The following PALB2 variants were observed in gnomAD, a reference collection of about 807,000 sequenced individuals.
PALB2 encodes the protein partner and localizer of BRCA2, also known as mutant partner and localizer of BRCA2.
A neutral mutation model predicts 107.4 loss-of-function variants in PALB2; 82 were observed. The observed-to-expected ratio is 0.76, with a 90% confidence interval of 0.64 to 0.92. The LOEUF is 0.92. Ranked by LOEUF, PALB2 falls within the 40% of genes least tolerant of loss-of-function variation. The pLI is 0.00. For synonymous variants in PALB2, 489 were observed against 496.8 expected (o/e 0.98, Z 0.21); for missense variants, 1,374 against 1,379.9 (o/e 1.00, Z 0.07).
rs1271731092 is a variant in PALB2 at position 23,640,996 on chromosome 16, G to C, written c.48+114C>G. On this transcript the variant is annotated intron_variant, in intron 1 of 12. Coordinates refer to ENST00000261584, the MANE Select transcript of PALB2 (RefSeq NM_024675.4). ...TGTGCCCCCTCAGCCCTAAGAGGAG[G>C]GGGTGGTCAGATGATACTGCTGCCC... The C allele has an allele frequency of 3.0e-5, 35 of 1,171,756 alleles. No homozygotes were observed. In the Admixed American group the frequency reaches 7.5e-4, roughly 25 times the overall value. 72.6% of individuals were successfully genotyped at this position (1,171,756 alleles called of 1,614,324 possible).
In PALB2 at chr16:23,607,867, C is replaced by T. The variant is rs1597066554; in HGVS notation, c.3347G>A (p.Gly1116Asp). ...MLYCLPPGQA[G>D]RFLEGDVKDH... ...AGTAGCAGTTATGCACACTTGCCTG[C>T]CAGCCTGCCCTGGAGGAAGACAGTA... Residue 1116 changes from glycine (G) to aspartate (D), a missense_variant, in exon 12 of 13, where the codon GGC becomes GAC. Coordinates refer to ENST00000261584, the MANE Select transcript of PALB2 (RefSeq NM_024675.4). 2 of 1,613,882 alleles carry T rather than the reference C, an allele frequency of 1.2e-6. No homozygotes were observed. The highest frequency in any genetic ancestry group is 1.7e-4 in the Middle Eastern group (1 of 5,932).
At chr16:23,629,481 C>A (rs1966854812) in intron 5 of PALB2, among the ~76,000 whole-genome samples, 159 bp downstream of exon 5, 1 of 152,150 alleles carries the variant, frequency 6.6e-6, no homozygotes, top group African/African-American at 2.4e-5. Context: ...CTTAATTTCC[C>A]CAGAATGAAC....
At chr16:23,634,795 G>A (rs2142408454) in intron 4 of PALB2, 67 bp downstream of exon 4, 2 of 1,548,120 alleles carry the variant, frequency 1.3e-6, no homozygotes, top group Non-Finnish European at 1.7e-6. Flanking sequence ...AAAAGGAAGT[G>A]CCAGGCAAAT....
At chr16:23,615,530 C>T (rs1164158476) in intron 10 of PALB2, among the ~76,000 whole-genome samples, 1 of 152,018 alleles carries the variant, frequency 6.6e-6, no homozygotes, top group Non-Finnish European at 1.5e-5. Context: ...GTCTTGAACT[C>T]CTGGGCTCAA....
chr16:23,630,791 A>G (rs1186392880), intron 4 of PALB2, among the ~76,000 whole-genome samples: 1 of 152,130 alleles, frequency 6.6e-6, no homozygotes, highest in Non-Finnish European at 1.5e-5. Flanking sequence ...ATTAATTAGC[A>G]GCTATTTTTC....
rs148026749 is a variant in PALB2 at position 23,629,825 on chromosome 16, C to T, written c.2329G>A (p.Asp777Asn). 2.2e-5 allele frequency: 35 copies of T among 1,614,078 alleles called. No individual in the cohort carries two copies. The highest frequency in any genetic ancestry group is 8.9e-5 in the East Asian group (4 of 44,886). ...VCLASDTKQF[D>N]SSGSPAKPHT... Reference sequence around the variant, plus strand: ...GGTTTTGCTGGGCTGCCTGAACTGTCGAATTGTTTAGTATCACTGGCAAGA... The same window carrying T: ...GGTTTTGCTGGGCTGCCTGAACTGTTGAATTGTTTAGTATCACTGGCAAGA... The change falls in exon 5 of 13, where the codon GAC becomes AAC. Residue 777 changes from aspartate to asparagine, a missense_variant. Physicochemically the swap from Asp to Asn is conservative, Grantham distance 23. Coordinates refer to ENST00000261584, the MANE Select transcript of PALB2 (RefSeq NM_024675.4).
chr16:23,609,165 AT>A (rs1472650224), intron 11 of PALB2, among the ~76,000 whole-genome samples: 1 of 152,202 alleles, frequency 6.6e-6, no homozygotes, highest in African/African-American at 2.4e-5. Context: ...ATATTTTTAT[AT>A]TTAGAAAACA....
At chr16:23,608,500 G>A (rs2142277077) in intron 11 of PALB2, among the ~76,000 whole-genome samples, 1 of 152,280 alleles carries the variant, frequency 6.6e-6, no homozygotes, top group Middle Eastern at 3.4e-3. Context: ...TTGGCAAAGA[G>A]AGAATGAGGA....
chr16:23,609,729 G>A (rs960934591), intron 11 of PALB2, among the ~76,000 whole-genome samples: 2 of 152,158 alleles, frequency 1.3e-5, no homozygotes, highest in Non-Finnish European at 2.9e-5. Flanking sequence ...TGTTAGCCAG[G>A]ATGGTCTCGA....
rs2093129453 is a variant in PALB2, at chr16:23,634,944, A to G, written c.1602T>C (p.Ser534=). 1 of 1,614,166 alleles carries G rather than the reference A, an allele frequency of 6.2e-7. No homozygotes were observed. Among genetic ancestry groups the G allele is most frequent in the Non-Finnish European group, 8.5e-7 (1 of 1,180,034 alleles). The change falls in exon 4 of 13, where the codon TCT becomes TCC. Residue 534 remains serine, a synonymous_variant. Coordinates refer to ENST00000261584, the MANE Select transcript of PALB2 (RefSeq NM_024675.4). ...SDHCEPLLPT[S]SLSIVNRSKE... ...TGGACCTGTTAACAATCGACAGGCT[A>G]GAAGTTGGCAAAAGTGGTTCACAAT...
intron 3 of PALB2, among the ~76,000 whole-genome samples, chr16:23,636,767 G>T (rs1281155785): frequency 2.0e-5 from 3 of 151,974 alleles, no homozygotes; most frequent in Non-Finnish European, 4.4e-5. Context: ...ATCTCAACTA[G>T]TTTTCTATCT....
chr16:23,610,672 G>A (rs1276237990), intron 11 of PALB2, among the ~76,000 whole-genome samples: 1 of 152,094 alleles, frequency 6.6e-6, no homozygotes, highest in Non-Finnish European at 1.5e-5. Flanking sequence ...ACATGTCTGT[G>A]TGAAATGTTT....
intron 11 of PALB2, among the ~76,000 whole-genome samples, chr16:23,609,470 A>T (rs1400946571): frequency 6.6e-6 from 1 of 152,172 alleles, no homozygotes; most frequent in Admixed American, 6.5e-5. Context: ...AATGCTATAC[A>T]GTTAAGAAGA....
chr16:23,616,605 C>G (rs1396983602), intron 10 of PALB2, among the ~76,000 whole-genome samples: 1 of 151,822 alleles, frequency 6.6e-6, no homozygotes, highest in East Asian at 1.9e-4. Flanking sequence ...GCCCTGGGAC[C>G]AGGATTCATA....
intron 1 of PALB2, chr16:23,640,215 G>GGGA (rs1967186705): frequency 5.6e-6 from 1 of 180,174 alleles, no homozygotes; most frequent in Non-Finnish European, 1.2e-5. Flanking sequence ...TCAATGTCTG[G>GGGA]GGATTATCTT....
At position 23,630,457 on chromosome 16, in the gene PALB2, C is replaced by G. The variant is rs144617793; in HGVS notation, c.1697G>C (p.Arg566Pro). ...AGAAAGGGAATCCTCTTTTTGATGA[C>G]GACTTTTCTTCCCTAAAGAAGAAAA... ...LFIQVKGKKS[R>P]HQKEDSLSWS... Residue 566 changes from arginine to proline, a missense_variant, in exon 5 of 13, where the codon CGT (arginine) becomes CCT (proline). Transcript: ENST00000261584. 3.7e-6 allele frequency: 6 copies of G among 1,611,736 alleles called. No homozygotes were observed. The highest frequency in any genetic ancestry group is 1.3e-5 in the African/African-American group (1 of 74,958).
chr16:23,640,785 A>T (rs1967211507), intron 1 of PALB2: 2 of 335,168 alleles, frequency 6.0e-6, no homozygotes, highest in East Asian at 9.5e-5. Flanking sequence ...GACTTAAAAG[A>T]TTTACTTGAG....
chr16:23,618,758 GA>G (rs1247679653), intron 10 of PALB2, among the ~76,000 whole-genome samples: 11 of 152,086 alleles, frequency 7.2e-5, no homozygotes, highest in Non-Finnish European at 1.6e-4. Context: ...AACAGTTCAG[GA>G]GACAGATAAT....
chr16:23,618,373 G>A (rs1221802591), intron 10 of PALB2, among the ~76,000 whole-genome samples: 6 of 152,036 alleles, frequency 3.9e-5, no homozygotes, highest in Non-Finnish European at 8.8e-5. Context: ...AAATGCCAAA[G>A]GACTACTTAT....
Sources: allele counts gnomAD v4.1 joint callset (sites outside exome capture counted in the v4.1 genomes callset), GRCh38; gene constraint gnomAD v4.1.1; transcripts MANE v1.5; gene names NCBI Gene and HGNC (gene_info 2026-07-23, HGNC 2026-07-21).